APOL4: variants seen among roughly 807,000 people sequenced by gnomAD.
The protein encoded by APOL4 is apolipoprotein L4.
APOL4 carries 14 observed loss-of-function variants against 12.1 expected under a neutral mutation model. That is an observed-to-expected ratio of 1.16 (90% CI 0.76 to 1.81). The LOEUF (loss-of-function observed/expected upper bound fraction) is 1.81, where lower values mean the gene tolerates loss of function less well. APOL4 is among the 40% of genes most tolerant of loss of function. APOL4 has a pLI of 0.00. For synonymous variants in APOL4, 171 were observed against 160.6 expected (o/e 1.06, Z -0.49); for missense variants, 432 against 423.1 (o/e 1.02, Z -0.18).
chr22:36,201,991 A>C, upstream of APOL4: 1 of 1,614,102 alleles, frequency 6.2e-7, no homozygotes, highest in East Asian at 2.2e-5. Context: ...AGCCAAGCTC[A>C]CCAGATGCAG....
chr22:36,192,832 G>A (rs975207970), intron 3 of APOL4, among the ~76,000 whole-genome samples: 1 of 152,182 alleles, frequency 6.6e-6, no homozygotes, highest in African/African-American at 2.4e-5. Flanking sequence ...TTAGACCTTG[G>A]GGAAGGGCTG....
At position 36,197,432 on chromosome 22, in the gene APOL4, C is replaced by T. The variant is rs929107922; in HGVS notation, c.82+1898G>A. ...TTCTTCACCAAAAGGAGGAAGGAAA[C>T]TCAGGGTTGGATGGAGGGAACCTCC... On this transcript the variant is annotated intron_variant, in intron 2 of 3. Transcript: ENST00000683024. 6 of 591,512 alleles carry T rather than the reference C, an allele frequency of 1.0e-5. 1 individual carries two copies. The highest frequency in any genetic ancestry group is 4.8e-4 in the Middle Eastern group (1 of 2,086). The allele number at this position is 591,512 out of a possible 1,614,324, so 36.6% of individuals were successfully genotyped here.
At chr22:36,196,894 G>A (rs993157838) in intron 2 of APOL4, among the ~76,000 whole-genome samples, 7 of 152,170 alleles carry the variant, frequency 4.6e-5, no homozygotes, top group Non-Finnish European at 2.9e-5. Context: ...TACCTGTGGG[G>A]TTTTAAACAT....
Position 36,201,724 on chromosome 22 carries a change from C to T in APOL4, c.11G>A (p.Trp4Ter), listed in dbSNP as rs1404028769. 22 of 1,608,328 alleles carry T rather than the reference C, an allele frequency of 1.4e-5. No individual in the cohort carries two copies. In the Admixed American group the frequency reaches 3.7e-4, roughly 27 times the overall value. MGS[W>*]VQLITSVGVQ... is the part of the protein sequence containing the mutation. ...CCCGACGCTTGTGATGAGCTGCACC[C>T]AGGATCCCATCCTCCTTGGTCATTG... Residue 4 changes from tryptophan to a stop codon, truncating the protein, a stop_gained, in exon 1 of 4, where the codon TGG becomes TAG. Coordinates refer to ENST00000683024, the MANE Select transcript of APOL4 (RefSeq NM_001386885.1). LOFTEE classifies it high-confidence loss of function.
intron 2 of APOL4, among the ~76,000 whole-genome samples, chr22:36,197,039 C>T (rs567813009): frequency 1.3e-5 from 2 of 152,308 alleles, no homozygotes; most frequent in Admixed American, 1.3e-4. Context: ...CCTCTGTCCC[C>T]TGCAGGCTGG....
chr22:36,196,160 T>C (rs944488414), intron 2 of APOL4, among the ~76,000 whole-genome samples: 1 of 152,224 alleles, frequency 6.6e-6, no homozygotes, highest in African/African-American at 2.4e-5. Context: ...TGTCAAACAC[T>C]TTACACCAGT....
upstream of APOL4, among the ~76,000 whole-genome samples, chr22:36,204,056 T>A (rs1263335596): frequency 1.3e-5 from 2 of 152,150 alleles, no homozygotes; most frequent in African/African-American, 4.8e-5. Flanking sequence ...CACTGGACCC[T>A]GGGCAAGTCA....
Position 36,191,317 on chromosome 22 carries a change from C to T in APOL4, c.805G>A (p.Val269Ile). The T allele has an allele frequency of 1.9e-6, 3 of 1,614,084 alleles. No homozygotes were observed. Among genetic ancestry groups the T allele is most frequent in the African/African-American group, 2.7e-5 (2 of 75,070 alleles). Residue 269 changes from valine to isoleucine, a missense_variant, in exon 4 of 4, where the codon GTT (valine) becomes ATT (isoleucine). By Grantham distance (29) the Val-to-Ile change is conservative (BLOSUM62 3). Transcript: ENST00000683024. ...IAWRYVPINV[V>I]ETLRTRGAPT... ...GCCCCACGTGTTCTCAGTGTCTCAACAACATTTATAGGTACATATCGCCAA... is the reference window on the plus strand; with the variant it reads ...GCCCCACGTGTTCTCAGTGTCTCAATAACATTTATAGGTACATATCGCCAA...
rs1351375101 is a variant in APOL4, at chr22:36,195,769, C to CTT, written c.83-333_83-332insAA. ...TCTCTCTCTCTCTCTCTCTCTCTCT[C>CTT]TCTCTCTCACACACACACACACACA... is the stretch of plus-strand genomic sequence containing the variant. On this transcript the variant is annotated intron_variant, in intron 2 of 3. Transcript: ENST00000683024. Among the ~76,000 whole-genome samples, 88 of 100,044 alleles carry CTT rather than the reference C, an allele frequency of 8.8e-4. 1 individual carries two copies. The highest frequency in any genetic ancestry group is 2.7e-3 in the African/African-American group (58 of 21,780). The allele number at this position is 100,044 out of a possible 152,430, so 65.6% of individuals were successfully genotyped here.
Position 36,189,352 on chromosome 22 carries a change from G to C in APOL4, c.*1723C>G, listed in dbSNP as rs2014179175. ...TCCTCAGCTGGGCACCATGGAAATG[G>C]CTCATTACCCGGCCTTCAGGGTTCA... On this transcript the variant is annotated 3_prime_UTR_variant, in exon 4 of 4. Coordinates refer to ENST00000683024, the MANE Select transcript of APOL4 (RefSeq NM_001386885.1). The C allele has an allele frequency of 1.3e-5, 2 of 152,156 alleles. No homozygotes were observed. The highest frequency in any genetic ancestry group is 4.8e-5 in the African/African-American group (2 of 41,402). The allele number at this position is 152,156 out of a possible 1,614,324, so 9.4% of individuals were successfully genotyped here. A position where few individuals can be genotyped will look rare whatever the true frequency, so the allele number is the denominator to read the frequency against.
intron 1 of APOL4, 127 bp downstream of exon 1, chr22:36,201,573 C>T: frequency 8.4e-7 from 1 of 1,189,872 alleles, no homozygotes; most frequent in South Asian, 1.4e-5. Context: ...TCGCCTTCTT[C>T]CTGCTTTGTT....
intron 2 of APOL4, chr22:36,197,338 T>C (rs960874224): frequency 1.1e-5 from 3 of 277,554 alleles, no homozygotes; most frequent in African/African-American, 6.7e-5. Flanking sequence ...CCTGAGGAAA[T>C]GGGGCTTAGG....
At chr22:36,199,646 C>A in intron 1 of APOL4, 1 of 1,551,552 alleles carries the variant, frequency 6.4e-7, no homozygotes, top group Admixed American at 2.0e-5. Flanking sequence ...AGAGGAGGGG[C>A]AGCCATCTGA....
At chr22:36,202,693 T>C (rs2014619237), upstream of APOL4, among the ~76,000 whole-genome samples, 1 of 149,310 alleles carries the variant, frequency 6.7e-6, no homozygotes, top group Non-Finnish European at 1.5e-5. Flanking sequence ...GCCACTGCAC[T>C]CCAGCCTGGG....
intron 3 of APOL4, among the ~76,000 whole-genome samples, chr22:36,194,078 G>A (rs751804049): frequency 6.6e-6 from 1 of 152,220 alleles, no homozygotes; most frequent in Admixed American, 6.5e-5. Flanking sequence ...GGACAAGATG[G>A]TAGAGAAAGT....
rs986984331 is a variant in APOL4 at position 36,190,757 on chromosome 22, T to C, written c.*318A>G. ...TTTCATATTGTTCAAACACACATGC[T>C]CTACAATTTGTGCAGTTAACGCAAT... On this transcript the variant is annotated 3_prime_UTR_variant, in exon 4 of 4. Transcript: ENST00000683024. 6.9e-6 allele frequency: 2 copies of C among 288,890 alleles called. No homozygotes were observed. Among genetic ancestry groups the C allele is most frequent in the South Asian group, 9.8e-5 (2 of 20,438 alleles). The allele number at this position is 288,890 out of a possible 1,614,324, so 17.9% of individuals were successfully genotyped here.
At chr22:36,203,167 C>A (rs954147640), upstream of APOL4, among the ~76,000 whole-genome samples, 2 of 152,212 alleles carry the variant, frequency 1.3e-5, no homozygotes, top group African/African-American at 4.8e-5. Flanking sequence ...TGGCCAGCAG[C>A]CCCCAGTGCA....
rs1445389832 is a variant in APOL4 at position 36,191,726 on chromosome 22, C to A, written c.396G>T (p.Lys132Asn). ...RLRVIANEIEKVHRGCVIANV... is the reference protein window; with the variant it reads ...RLRVIANEIENVHRGCVIANV... ...TGGCGATGACGCAGCCTCTGTGGAC[C>A]TTTTCAATCTCATTTGCAATGACAC... The change falls in exon 4 of 4, where the codon AAG becomes AAT. Residue 132 changes from lysine (K) to asparagine (N), a missense_variant. Transcript: ENST00000683024. The A allele has an allele frequency of 6.2e-7, 1 of 1,614,044 alleles. No individual in the cohort carries two copies. The highest frequency in any genetic ancestry group is 8.5e-7 in the Non-Finnish European group (1 of 1,179,884).
Position 36,190,831 on chromosome 22 carries a change from A to T in APOL4, c.*244T>A, listed in dbSNP as rs2014221607. 2.0e-6 allele frequency: 1 copy of T among 495,190 alleles called. No homozygotes were observed. Among genetic ancestry groups the T allele is most frequent in the Non-Finnish European group, 3.6e-6 (1 of 275,404 alleles). The allele number at this position is 495,190 out of a possible 1,614,324, so 30.7% of individuals were successfully genotyped here. ...TACATCCTCCTCAGCTGACAGGATTAGGAGATTAAAGTAAAGACAGGCATA... is the reference window on the plus strand; with the variant it reads ...TACATCCTCCTCAGCTGACAGGATTTGGAGATTAAAGTAAAGACAGGCATA... On this transcript the variant is annotated 3_prime_UTR_variant, in exon 4 of 4. Coordinates refer to ENST00000683024, the MANE Select transcript of APOL4 (RefSeq NM_001386885.1).
Sources: allele counts gnomAD v4.1 joint callset (sites outside exome capture counted in the v4.1 genomes callset), GRCh38; gene constraint gnomAD v4.1.1; transcripts MANE v1.5; gene names NCBI Gene and HGNC (gene_info 2026-07-23, HGNC 2026-07-21).